Variants in URI1 observed in about 807,000 individuals in gnomAD.
URI1 encodes the protein unconventional prefoldin RPB5 interactor 1.
In URI1, 39 loss-of-function variants were observed where a neutral mutation model predicts 60.2. The observed-to-expected ratio is 0.65, with a 90% confidence interval of 0.50 to 0.85. The LOEUF (loss-of-function observed/expected upper bound fraction) is 0.85. Ranked by LOEUF, URI1 falls within the 40% of genes least tolerant of loss-of-function variation. The probability of loss-of-function intolerance (pLI) is 0.00; values close to 1 mark genes in which losing one functional copy is unlikely to be tolerated. For missense variants in URI1, 691 were observed against 665.9 expected (o/e 1.04, Z -0.42); for synonymous variants, 251 against 236.8 (o/e 1.06, Z -0.55).
chr19:29,972,598 T>C (rs1298698786), intron 2 of URI1, among the ~76,000 whole-genome samples: 1 of 152,138 alleles, frequency 6.6e-6, no homozygotes, highest in Non-Finnish European at 1.5e-5. Context: ...ATAAGATTCT[T>C]ATTAGAGTTC....
intron 2 of URI1, among the ~76,000 whole-genome samples, chr19:29,984,421 T>A (rs1483906080): frequency 6.6e-6 from 1 of 152,092 alleles, no homozygotes; most frequent in Non-Finnish European, 1.5e-5. Flanking sequence ...AGAGAGAGAC[T>A]CTGTCTTAAA....
In URI1 at chr19:29,942,316, C is replaced by G; in HGVS notation, c.-232C>G. ...GGCGTCTCGGTACCTGGCAGGCGGC[C>G]TGCTACTCGGAGCCCGCTGCGGGGC... On this transcript the variant is annotated 5_prime_UTR_variant, in exon 1 of 11. Coordinates refer to ENST00000392271, the MANE Select transcript of URI1 (RefSeq NM_003796.3). The G allele has an allele frequency of 1.0e-6, 1 of 985,252 alleles. No homozygotes were observed. 61.0% of individuals were successfully genotyped at this position (985,252 alleles called of 1,614,324 possible). A position where few individuals can be genotyped will look rare whatever the true frequency, so the allele number is the denominator to read the frequency against.
intron 4 of URI1, among the ~76,000 whole-genome samples, chr19:29,988,477 C>G (rs1235677694): frequency 3.3e-5 from 5 of 152,214 alleles, no homozygotes; most frequent in Admixed American, 6.5e-5. Context: ...CTCCCTCACA[C>G]TGCCCCTTGG....
intron 1 of URI1, among the ~76,000 whole-genome samples, chr19:29,935,893 T>C (rs529157846): frequency 6.6e-6 from 1 of 152,000 alleles, no homozygotes; most frequent in Admixed American, 6.6e-5. Flanking sequence ...TTCAAGCAAT[T>C]CTCCTGCCTC....
intron 2 of URI1, among the ~76,000 whole-genome samples, chr19:29,976,116 T>TA (rs34107544): frequency 1.3e-5 from 2 of 152,164 alleles, no homozygotes; most frequent in African/African-American, 4.8e-5. Context: ...TATTTTTTTT[T>TA]AAATAAATAA....
chr19:29,971,346 C>A, intron 2 of URI1, 119 bp downstream of exon 2: 1 of 937,028 alleles, frequency 1.1e-6, no homozygotes, highest in South Asian at 1.5e-5. Context: ...TTGAATTCTT[C>A]TAGTAGTCTC....
intron 2 of URI1, among the ~76,000 whole-genome samples, chr19:29,973,157 A>T (rs1385396635): frequency 6.6e-6 from 1 of 152,078 alleles, no homozygotes; most frequent in African/African-American, 2.4e-5. Flanking sequence ...TTCTTGTGAT[A>T]TTTTTGCATT....
At chr19:29,996,038 G>T (rs1343456146) in intron 4 of URI1, among the ~76,000 whole-genome samples, 1 of 152,080 alleles carries the variant, frequency 6.6e-6, no homozygotes, top group South Asian at 2.1e-4. Context: ...AAAACAGAAA[G>T]ATGAGACTTA....
chr19:29,933,064 T>A (rs913999766), intron 1 of URI1, among the ~76,000 whole-genome samples: 2 of 152,242 alleles, frequency 1.3e-5, no homozygotes, highest in Admixed American at 1.3e-4. Context: ...AGTATTTTGT[T>A]GAGAATTTTT....
chr19:29,932,149 A>G (rs1355251445), intron 1 of URI1, among the ~76,000 whole-genome samples: 7 of 152,034 alleles, frequency 4.6e-5, no homozygotes, highest in Non-Finnish European at 1.0e-4. Flanking sequence ...GAGGAAAAAA[A>G]TCTTCAGTCT....
intron 1 of URI1, among the ~76,000 whole-genome samples, chr19:29,935,894 C>A (rs2161211): frequency 0.83 from 125,103 of 151,206 alleles, 52,562 homozygotes; most frequent in Non-Finnish European, 0.9. Context: ...TCAAGCAATT[C>A]TCCTGCCTCA....
rs2055933013 is a variant in URI1, at chr19:30,005,674, AC to A, written c.484del (p.Arg162GlufsTer38). ...SDAAGDIVDI[R>X]EEIKCDFEFK... The stretch of plus-strand genomic sequence containing the variant: ...AGGCTGCAGGTGATATTGTTGACAT[AC>A]GAGAAGAAATTAAATGTGACTTCGA... On this transcript the variant is annotated frameshift_variant, in exon 6 of 11. Coordinates refer to ENST00000392271, the MANE Select transcript of URI1 (RefSeq NM_003796.3). LOFTEE classifies it high-confidence loss of function. 3 of 1,612,360 alleles carry A rather than the reference AC, an allele frequency of 1.9e-6. No individual in the cohort carries two copies. The highest frequency in any genetic ancestry group is 2.5e-6 in the Non-Finnish European group (3 of 1,179,226).
intron 1 of URI1, among the ~76,000 whole-genome samples, chr19:29,961,484 A>G (rs1357567584): frequency 6.6e-6 from 1 of 152,008 alleles, no homozygotes; most frequent in Non-Finnish European, 1.5e-5. Context: ...CACATATCAG[A>G]ATTTCTTCCT....
chr19:29,957,082 A>C, intron 1 of URI1: 1 of 506,640 alleles, frequency 2.0e-6, no homozygotes, highest in South Asian at 2.2e-5. Context: ...CCTGCTTATA[A>C]TTCTTTTGGA....
rs56329506 is a variant in URI1, at chr19:29,944,140, CATAT to C, written c.117+1526_117+1529del. Among the ~76,000 whole-genome samples the C allele has an allele frequency of 9.9e-3, 365 of 36,860 alleles. 4 individuals carry two copies. The highest frequency in any genetic ancestry group is 0.018 in the Non-Finnish European group (207 of 11,744). The allele number at this position is 36,860 out of a possible 152,430, so 24.2% of individuals were successfully genotyped here. A position where few individuals can be genotyped will look rare whatever the true frequency, so the allele number is the denominator to read the frequency against. On this transcript the variant is annotated intron_variant, in intron 1 of 10. Transcript: ENST00000392271. Reference sequence around the variant, plus strand: ...GGCGACAGAGTGAGACCCTGTCATTCATATATATATATATATATATATATATATA... The same window carrying C: ...GGCGACAGAGTGAGACCCTGTCATTCATATATATATATATATATATATATA...
At chr19:29,986,558 T>A in intron 4 of URI1, 141 bp downstream of exon 4, 1 of 1,058,274 alleles carries the variant, frequency 9.4e-7, no homozygotes, top group Non-Finnish European at 1.3e-6. Context: ...GAATTGTAGG[T>A]AGTTTGAGTA....
At chr19:29,957,229 T>C (rs2055260320) in intron 1 of URI1, among the ~76,000 whole-genome samples, 1 of 149,750 alleles carries the variant, frequency 6.7e-6, no homozygotes, top group Non-Finnish European at 1.5e-5. Context: ...TTATATTTTA[T>C]AAATGCAATA....
At chr19:30,000,264 G>T (rs1836474302) in intron 4 of URI1, among the ~76,000 whole-genome samples, 2 of 151,824 alleles carry the variant, frequency 1.3e-5, no homozygotes, top group South Asian at 4.1e-4. Flanking sequence ...TTTACTGCTG[G>T]AGTCTTTCAT....
chr19:29,932,983 C>T (rs1030523974), intron 1 of URI1, among the ~76,000 whole-genome samples: 2 of 152,140 alleles, frequency 1.3e-5, no homozygotes, highest in Non-Finnish European at 2.9e-5. Context: ...TGGTGAATCA[C>T]CATTGTGTCT....
Sources: allele counts gnomAD v4.1 joint callset (sites outside exome capture counted in the v4.1 genomes callset), GRCh38; gene constraint gnomAD v4.1.1; transcripts MANE v1.5; gene names NCBI Gene and HGNC (gene_info 2026-07-23, HGNC 2026-07-21).